DNAH1: variants seen among roughly 807,000 people sequenced by gnomAD.
DNAH1 encodes the protein dynein axonemal heavy chain 1.
A neutral mutation model predicts 484.3 loss-of-function variants in DNAH1; 327 were observed. The observed-to-expected ratio is 0.68, with a 90% CI of 0.62 to 0.74. The LOEUF (loss-of-function observed/expected upper bound fraction) is 0.74, where lower values mean the gene tolerates loss of function less well. Ranked by LOEUF, DNAH1 falls within the 30% of genes least tolerant of loss-of-function variation. DNAH1 has a pLI of 0.00. For missense variants in DNAH1, 5,052 were observed against 5,546.8 expected, an observed-to-expected ratio of 0.91 and a Z score of 2.83; for synonymous variants, 2,192 against 2,191.9, an observed-to-expected ratio of 1.00 and a Z score of 0.00.
rs769319144 is a variant in DNAH1, at chr3:52,353,625, A to G, written c.3472A>G (p.Ile1158Val). Residue 1158 changes from isoleucine to valine, a missense_variant, in exon 20 of 78, where the codon ATC (isoleucine) becomes GTC (valine). Transcript: ENST00000420323. The surrounding 1 kb of genome is among the most constrained non-coding windows in gnomAD (Gnocchi z 5.0). ...VAEVAGKEYA[I>V]EQALDKMEKE... is the part of the protein sequence containing the mutation. ...TGAGGTGGCTGGCAAGGAGTACGCC[A>G]TCGAGCAGGTGGGTAGCCACCAGCG... is the stretch of plus-strand genomic sequence containing the variant. The G allele has an allele frequency of 3.1e-6, 5 of 1,587,358 alleles. No individual in the cohort carries two copies. Among genetic ancestry groups the G allele is most frequent in the Non-Finnish European group, 4.3e-6 (5 of 1,168,500 alleles).
chr3:52,361,553 G>A lies in DNAH1; in HGVS notation c.4875-108G>A. On this transcript the variant is annotated intron_variant, in intron 29 of 77. Transcript: ENST00000420323. The surrounding 1 kb of genome is among the most constrained non-coding windows in gnomAD (Gnocchi z 5.6). ...GTTGAAGACTGAGCTGATGGAGATT[G>A]CCCCTGAGGGCTTCCTCCCAAGTGG... is the stretch of plus-strand genomic sequence containing the variant. The A allele has an allele frequency of 7.6e-7, 1 of 1,309,404 alleles. No homozygotes were observed. The allele number at this position is 1,309,404 out of a possible 1,614,324, so 81.1% of individuals were successfully genotyped here.
Position 52,359,342 on chromosome 3 carries a change from G to C in DNAH1, c.4363G>C (p.Ala1455Pro). 6.4e-7 allele frequency: 1 copy of C among 1,570,638 alleles called. No individual in the cohort carries two copies. Among genetic ancestry groups the C allele is most frequent in the Non-Finnish European group, 8.6e-7 (1 of 1,157,124 alleles). ...WTMEVAEALE[A>P]GNLRSQLFPQ... Reference sequence around the variant, plus strand: ...CATGGAGGTGGCAGAGGCTCTGGAGGCCGGCAACCTCAGAAGCCAACTGTT... The same window carrying C: ...CATGGAGGTGGCAGAGGCTCTGGAGCCCGGCAACCTCAGAAGCCAACTGTT... Residue 1455 changes from alanine (A) to proline (P), a missense_variant, in exon 26 of 78, where the codon GCC becomes CCC. This residue lies in a region of DNAH1 where 2,929 missense variants were observed against 3,409.4 expected (regional missense o/e 0.86). Transcript: ENST00000420323.
In DNAH1 at chr3:52,361,453, T is replaced by A; in HGVS notation, c.4874+101T>A. On this transcript the variant is annotated intron_variant, in intron 29 of 77. Coordinates refer to ENST00000420323, the MANE Select transcript of DNAH1 (RefSeq NM_015512.5). The surrounding 1 kb of genome is among the most constrained non-coding windows in gnomAD (Gnocchi z 5.6). The stretch of plus-strand genomic sequence containing the variant: ...AGTGCCTGAGAGGGGCCTCGAAGGA[T>A]GGTGGAGGGGACAGAAGGGGGTAAT... The A allele has an allele frequency of 7.2e-7, 1 of 1,381,310 alleles. No individual in the cohort carries two copies. Among genetic ancestry groups the A allele is most frequent in the Non-Finnish European group, 9.7e-7 (1 of 1,029,472 alleles). The allele number at this position is 1,381,310 out of a possible 1,614,324, so 85.6% of individuals were successfully genotyped here.
rs934298478 is a variant in DNAH1, at chr3:52,354,728, C to T, written c.3481-115C>T. ...GACAAGCCGAGAGTATTTGCCAGAG[C>T]GGCCATGTGGAGGTCATGGCCAGGT... On this transcript the variant is annotated intron_variant, in intron 20 of 77. Coordinates refer to ENST00000420323, the MANE Select transcript of DNAH1 (RefSeq NM_015512.5). 8.7e-6 allele frequency: 8 copies of T among 914,998 alleles called. No individual in the cohort carries two copies. In the East Asian group the frequency reaches 1.3e-4, roughly 15 times the overall value. 56.7% of individuals were successfully genotyped at this position (914,998 alleles called of 1,614,324 possible).
Position 52,380,006 on chromosome 3 carries a change from C to T in DNAH1, c.7479C>T (p.Leu2493=). 8 of 1,592,936 alleles carry T rather than the reference C, an allele frequency of 5.0e-6. No homozygotes were observed. Among genetic ancestry groups the T allele is most frequent in the Non-Finnish European group, 6.8e-6 (8 of 1,169,880 alleles). ...EEDRSWFDQL[L]KRCMEQWEVT... ...ACCGCAGCTGGTTCGACCAGCTCCT[C>T]AAGCGCTGCATGGAGCAGTGGGAGG... Residue 2493 remains leucine, a synonymous_variant, in exon 48 of 78, where the codon CTC becomes CTT. Transcript: ENST00000420323.
Position 52,372,998 on chromosome 3 carries a change from C to G in DNAH1, c.6930C>G (p.Ile2310Met). Reference protein sequence around the residue: ...ALETYGAQPPIELLRQWMDHG... With the variant: ...ALETYGAQPPMELLRQWMDHG... ...AGACCTACGGTGCACAGCCACCCATCGAGCTGTTGCGCCAGTGGATGGACC... is the reference window on the plus strand; with the variant it reads ...AGACCTACGGTGCACAGCCACCCATGGAGCTGTTGCGCCAGTGGATGGACC... The change falls in exon 44 of 78, where the codon ATC (isoleucine) becomes ATG (methionine). Residue 2310 changes from isoleucine to methionine, a missense_variant. Coordinates refer to ENST00000420323, the MANE Select transcript of DNAH1 (RefSeq NM_015512.5). 6.2e-7 allele frequency: 1 copy of G among 1,613,604 alleles called. No homozygotes were observed. Among genetic ancestry groups the G allele is most frequent in the South Asian group, 1.1e-5 (1 of 91,078 alleles).
At chr3:52,373,939 T>C in intron 44 of DNAH1, 1 of 1,315,226 alleles carries the variant, frequency 7.6e-7, no homozygotes, top group South Asian at 1.2e-5. Flanking sequence ...GAACCAACGT[T>C]AGAAGCAGGC....
At chr3:52,346,409 G>A (rs1239200133) in intron 10 of DNAH1, 63 bp from the exon 11 acceptor site, 1 of 1,500,582 alleles carries the variant, frequency 6.7e-7, no homozygotes, top group South Asian at 1.3e-5. Context: ...TAGAGTCCCT[G>A]AGTGCAGCTA....
chr3:52,336,246 C>T (rs1391366146), intron 8 of DNAH1, among the ~76,000 whole-genome samples: 1 of 152,128 alleles, frequency 6.6e-6, no homozygotes, highest in African/African-American at 2.4e-5. Context: ...GGTTTGAGGT[C>T]TGACATTTAA....
Position 52,360,434 on chromosome 3 carries a change from C to G in DNAH1, c.4685+10C>G. The stretch of plus-strand genomic sequence containing the variant: ...CGCCCCTCACCGACAGGTAAGCGTT[C>G]CCCTCTTGCTCCTTCCCACACTGAG... On this transcript the variant is annotated intron_variant, in intron 28 of 77. Transcript: ENST00000420323. 1 of 1,607,540 alleles carries G rather than the reference C, an allele frequency of 6.2e-7. No individual in the cohort carries two copies. The highest frequency in any genetic ancestry group is 8.5e-7 in the Non-Finnish European group (1 of 1,174,716).
chr3:52,333,421 C>G (rs180946180), intron 8 of DNAH1, among the ~76,000 whole-genome samples: 303 of 129,394 alleles, frequency 2.3e-3, no homozygotes, highest in Non-Finnish European at 3.7e-3. Context: ...GAGTTTGACT[C>G]TTGTCACCCA....
In DNAH1 at chr3:52,324,013, CAG is replaced by C. The variant is rs571133812; in HGVS notation, c.406+134_406+135del. Reference sequence around the variant, plus strand: ...ACTGTGGAGCGGGGATAATAAGAAACAGGGTGCTTCACAATTACCCACTCATG... The same window carrying C: ...ACTGTGGAGCGGGGATAATAAGAAACGGTGCTTCACAATTACCCACTCATG... On this transcript the variant is annotated intron_variant, in intron 3 of 77. Transcript: ENST00000420323. 407 of 668,790 alleles carry C rather than the reference CAG, an allele frequency of 6.1e-4. No individual in the cohort carries two copies. The African/African-American group carries it at 6.6e-3, about 11-fold the overall frequency. 41.4% of individuals were successfully genotyped at this position (668,790 alleles called of 1,614,324 possible).
chr3:52,347,719 A>G, intron 11 of DNAH1, 105 bp from the exon 12 acceptor site: 2 of 1,336,408 alleles, frequency 1.5e-6, no homozygotes, highest in South Asian at 1.6e-5. Context: ...AGTATTGTGC[A>G]TGGAGAGGCT....
At chr3:52,359,149 C>A (rs1274281271) in intron 25 of DNAH1, 97 bp from the exon 26 acceptor site, 1 of 1,493,004 alleles carries the variant, frequency 6.7e-7, no homozygotes, top group Non-Finnish European at 9.0e-7. Flanking sequence ...GGAGCCAAGT[C>A]TGAAAGGCCA....
Position 52,394,528 on chromosome 3 carries a change from G to C in DNAH1, c.10690G>C (p.Asp3564His). 6.2e-7 allele frequency: 1 copy of C among 1,614,030 alleles called. No homozygotes were observed. The highest frequency in any genetic ancestry group is 1.3e-5 in the African/African-American group (1 of 75,064). ...ISIMTENPAPDWLSDRAWRDI... is the reference protein window; with the variant it reads ...ISIMTENPAPHWLSDRAWRDI... ...GATCATGACTGAGAATCCGGCACCG[G>C]ACTGGCTGTCAGACCGGGCTTGGCG... The change falls in exon 67 of 78, where the codon GAC (aspartate) becomes CAC (histidine). Residue 3564 changes from aspartate (D) to histidine (H), a missense_variant. Physicochemically the swap from Asp to His is moderately conservative, Grantham distance 81. Around this residue, in one of 4 missense-constraint regions of DNAH1, gnomAD observed 853 missense variants for 899.0 expected, o/e 0.95. Coordinates refer to ENST00000420323, the MANE Select transcript of DNAH1 (RefSeq NM_015512.5).
At chr3:52,317,526 C>T (rs1015012987) in intron 1 of DNAH1, among the ~76,000 whole-genome samples, 4 of 152,206 alleles carry the variant, frequency 2.6e-5, no homozygotes, top group Non-Finnish European at 4.4e-5. Context: ...AATTATTCCT[C>T]CCCAAATTAT....
At chr3:52,398,799 C>A (rs1704757933) in intron 75 of DNAH1, 51 bp from the exon 76 acceptor site, 2 of 1,415,930 alleles carry the variant, frequency 1.4e-6, no homozygotes, top group Admixed American at 2.8e-5. Context: ...AGCATAGCTA[C>A]TGCCACGTGA....
chr3:52,381,527 A>G lies in DNAH1; in HGVS notation c.7609-113A>G. The G allele has an allele frequency of 1.0e-6, 1 of 996,468 alleles. No homozygotes were observed. The highest frequency in any genetic ancestry group is 1.8e-5 in the South Asian group (1 of 55,768). The allele number at this position is 996,468 out of a possible 1,614,324, so 61.7% of individuals were successfully genotyped here. On this transcript the variant is annotated intron_variant, in intron 48 of 77. Transcript: ENST00000420323. The surrounding 1 kb of genome is among the most constrained non-coding windows in gnomAD (Gnocchi z 4.1). ...CAGCTGGCCGGGTCACAGGTGGTCA[A>G]GGCACCTGTGCTTCTCAGTCAGGAC... is the stretch of plus-strand genomic sequence containing the variant.
intron 64 of DNAH1, 50 bp downstream of exon 64, chr3:52,392,739 C>T (rs779050739): frequency 2.3e-6 from 2 of 888,602 alleles, no homozygotes; most frequent in Non-Finnish European, 3.3e-6. Flanking sequence ...CCCGGGCCTG[C>T]CCCCCACCTC....
Sources: allele counts gnomAD v4.1 joint callset (sites outside exome capture counted in the v4.1 genomes callset), GRCh38; gene constraint gnomAD v4.1.1; regional missense constraint gnomAD v4.1.1; non-coding constraint Gnocchi (gnomAD v3.1); transcripts MANE v1.5; gene names NCBI Gene and HGNC (gene_info 2026-07-23, HGNC 2026-07-21).